The following ZNF287 variants were observed in gnomAD, a reference collection of about 807,000 sequenced individuals.
The protein encoded by ZNF287 is zinc finger protein with KRAB and SCAN domains 13.
A neutral mutation model predicts 73.7 loss-of-function variants in ZNF287; 31 were observed. The ratio of observed to expected loss-of-function variants is 0.42; its 90% CI spans 0.32 to 0.57. ZNF287 has a LOEUF of 0.57. ZNF287 is among the 20% of genes least tolerant of loss of function. The pLI is 0.13. For missense variants in ZNF287, 641 were observed against 909.3 expected (o/e 0.70, Z 3.79); for synonymous variants, 301 against 307.2 (o/e 0.98, Z 0.21).
intron 2 of ZNF287, among the ~76,000 whole-genome samples, 195 bp from the exon 3 acceptor site, chr17:16,566,817 G>C (rs1907771088): frequency 6.6e-6 from 1 of 152,112 alleles, no homozygotes; most frequent in Non-Finnish European, 1.5e-5. Context: ...TCAAAAACAA[G>C]CTCGCTCTAA....
rs1223955820 is a variant in ZNF287, at chr17:16,567,485, G to T, written c.247C>A (p.His83Asn). 8.1e-6 allele frequency: 13 copies of T among 1,614,060 alleles called. No homozygotes were observed. The highest frequency in any genetic ancestry group is 1.0e-5 in the Non-Finnish European group (12 of 1,180,052). The change falls in exon 2 of 6, where the codon CAC becomes AAC. Residue 83 changes from histidine (H) to asparagine (N), a missense_variant. Coordinates refer to ENST00000395825, the MANE Select transcript of ZNF287 (RefSeq NM_020653.4). ...LCLKWLRPEI[H>N]SKEQILELLV... ...AGCTCCAAAATTTGTTCCTTTGAGT[G>T]AATCTCAGGTCTCAGCCACTTAAGG...
chr17:16,550,099 G>T lies in ZNF287; in HGVS notation c.*1757C>A, dbSNP rs955143621. 2.6e-5 allele frequency among the ~76,000 whole-genome samples: 4 copies of T among 152,122 alleles called. No homozygotes were observed. Among genetic ancestry groups the T allele is most frequent in the Non-Finnish European group, 5.9e-5 (4 of 68,008 alleles). On this transcript the variant is annotated 3_prime_UTR_variant, in exon 6 of 6. Transcript: ENST00000395825. ...TCTGGTAGTGGAATGCTGTAAATATGAAATACAATAGTATTTTTATCTATT... is the reference window on the plus strand; with the variant it reads ...TCTGGTAGTGGAATGCTGTAAATATTAAATACAATAGTATTTTTATCTATT...
At position 16,553,058 on chromosome 17, in the gene ZNF287, G is replaced by C. The variant is rs1216039737; in HGVS notation, c.1084C>G (p.Leu362Val). ...VSYGIVHRKI[L>V]PGEKPYKCNV... ...CACTTGTAAGGCTTCTCTCCAGGAA[G>C]TATTTTCCTATGTACAATACCATAT... is the stretch of plus-strand genomic sequence containing the variant. Residue 362 changes from leucine to valine, a missense_variant, in exon 6 of 6, where the codon CTT becomes GTT. Coordinates refer to ENST00000395825, the MANE Select transcript of ZNF287 (RefSeq NM_020653.4). 6.2e-7 allele frequency: 1 copy of C among 1,614,038 alleles called. No homozygotes were observed. Among genetic ancestry groups the C allele is most frequent in the African/African-American group, 1.3e-5 (1 of 74,920 alleles).
chr17:16,563,086 A>C (rs1401489616), intron 5 of ZNF287, 60 bp downstream of exon 5: 7 of 1,328,758 alleles, frequency 5.3e-6, no homozygotes, highest in Non-Finnish European at 7.5e-6. Context: ...TGCATTTCTC[A>C]CCACATTTAG....
chr17:16,562,977 C>G (rs950433499), intron 5 of ZNF287, among the ~76,000 whole-genome samples, 169 bp downstream of exon 5: 3 of 152,198 alleles, frequency 2.0e-5, no homozygotes, highest in Non-Finnish European at 4.4e-5. Context: ...TTAGGAAGCT[C>G]TTCCTGAAGA....
chr17:16,567,362 C>A lies in ZNF287; in HGVS notation c.370G>T (p.Val124Leu). The part of the protein sequence containing the change: ...PESSEEAVTL[V>L]EDLTQILEEE... ...TCTAGAATCTGAGTCAAATCCTCCACCAGAGTCACTGCTTCCTCGCTGCTC... is the reference window on the plus strand; with the variant it reads ...TCTAGAATCTGAGTCAAATCCTCCAACAGAGTCACTGCTTCCTCGCTGCTC... The change falls in exon 2 of 6, where the codon GTG becomes TTG. Residue 124 changes from valine (V) to leucine (L), a missense_variant. This residue lies in a region of ZNF287 where 357 missense variants were observed against 442.4 expected (regional missense o/e 0.81). Transcript: ENST00000395825. 1 of 1,614,040 alleles carries A rather than the reference C, an allele frequency of 6.2e-7. No individual in the cohort carries two copies. Among genetic ancestry groups the A allele is most frequent in the Non-Finnish European group, 8.5e-7 (1 of 1,179,918 alleles).
At chr17:16,559,570 CTA>C (rs1254647359) in intron 5 of ZNF287, among the ~76,000 whole-genome samples, 3 of 103,594 alleles carry the variant, frequency 2.9e-5, no homozygotes, top group African/African-American at 1.2e-4. Context: ...CTTAAAAGAA[CTA>C]ACACACACAC....
At position 16,547,557 on chromosome 17, in the gene ZNF287, T is replaced by C. The variant is rs1210209552; in HGVS notation, c.*4299A>G. 1.3e-5 allele frequency among the ~76,000 whole-genome samples: 2 copies of C among 152,160 alleles called. No homozygotes were observed. The highest frequency in any genetic ancestry group is 1.9e-4 in the East Asian group (1 of 5,186). ...AATTATATCCCTCATTACACAGATA[T>C]TAGGTAACTGATGGCATGAGTGAAG... On this transcript the variant is annotated 3_prime_UTR_variant, in exon 6 of 6. Coordinates refer to ENST00000395825, the MANE Select transcript of ZNF287 (RefSeq NM_020653.4).
rs761850808 is a variant in ZNF287, at chr17:16,567,364, A to G, written c.368T>C (p.Leu123Pro). ...TAGAATCTGAGTCAAATCCTCCACC[A>G]GAGTCACTGCTTCCTCGCTGCTCTC... Reference protein sequence around the residue: ...YPESSEEAVTLVEDLTQILEE... With the variant: ...YPESSEEAVTPVEDLTQILEE... The change falls in exon 2 of 6, where the codon CTG becomes CCG. Residue 123 changes from leucine (L) to proline (P), a missense_variant. Physicochemically the swap from Leu to Pro is moderately conservative, Grantham distance 98 (BLOSUM62 -3). Transcript: ENST00000395825. The G allele has an allele frequency of 1.9e-6, 3 of 1,614,034 alleles. No individual in the cohort carries two copies. The highest frequency in any genetic ancestry group is 2.5e-6 in the Non-Finnish European group (3 of 1,179,936).
At position 16,553,264 on chromosome 17, in the gene ZNF287, C is replaced by G; in HGVS notation, c.878G>C (p.Gly293Ala). 6.2e-7 allele frequency: 1 copy of G among 1,613,686 alleles called. No homozygotes were observed. The highest frequency in any genetic ancestry group is 1.3e-5 in the African/African-American group (1 of 75,016). ...GFWKIHTDERGFSLKSVLSQE... is the reference protein window; with the variant it reads ...GFWKIHTDERAFSLKSVLSQE... ...TGAAAGGACTGACTTCAAACTGAAACCTCTTTCATCAGTGTGAATTTTCCA... is the reference window on the plus strand; with the variant it reads ...TGAAAGGACTGACTTCAAACTGAAAGCTCTTTCATCAGTGTGAATTTTCCA... The change falls in exon 6 of 6, where the codon GGT (glycine) becomes GCT (alanine). Residue 293 changes from glycine (G) to alanine (A), a missense_variant. This residue lies in a region of ZNF287 where 357 missense variants were observed against 442.4 expected (regional missense o/e 0.81). Transcript: ENST00000395825.
At chr17:16,560,869 G>A (rs2142488580) in intron 5 of ZNF287, among the ~76,000 whole-genome samples, 1 of 151,418 alleles carries the variant, frequency 6.6e-6, no homozygotes, top group East Asian at 2.0e-4. Context: ...TGGGTGTAGT[G>A]GCGGGTGCCT....
In ZNF287 at chr17:16,548,003, G is replaced by T. The variant is rs1906377854; in HGVS notation, c.*3853C>A. 6.6e-6 allele frequency among the ~76,000 whole-genome samples: 1 copy of T among 152,178 alleles called. No homozygotes were observed. The highest frequency in any genetic ancestry group is 2.1e-4 in the South Asian group (1 of 4,834). The stretch of plus-strand genomic sequence containing the variant: ...TGGTAATTAAGGTAAAATAATTGCT[G>T]ACTGTGCCTCTAGTGCATTCCTAGT... On this transcript the variant is annotated 3_prime_UTR_variant, in exon 6 of 6. Coordinates refer to ENST00000395825, the MANE Select transcript of ZNF287 (RefSeq NM_020653.4).
chr17:16,557,005 G>A (rs1228757723), intron 5 of ZNF287, among the ~76,000 whole-genome samples: 4 of 151,744 alleles, frequency 2.6e-5, no homozygotes, highest in Admixed American at 6.6e-5. Context: ...GTGCCACCAC[G>A]CCTGGCTAAT....
Position 16,567,746 on chromosome 17 carries a change from G to C in ZNF287, c.-15C>G. The C allele has an allele frequency of 6.3e-7, 1 of 1,591,210 alleles. No homozygotes were observed. Among genetic ancestry groups the C allele is most frequent in the Non-Finnish European group, 8.6e-7 (1 of 1,168,708 alleles). ...GAGGCTAACATTGCTACAGACAGGA[G>C]AGTCAATCTGGCAATATCCTTTATT... On this transcript the variant is annotated 5_prime_UTR_variant, in exon 2 of 6. Transcript: ENST00000395825.
rs747212383 is a variant in ZNF287 at position 16,567,534 on chromosome 17, T to C, written c.198A>G (p.Ala66=). The change falls in exon 2 of 6, where the codon GCA becomes GCG. Residue 66 remains alanine (A), a synonymous_variant. Transcript: ENST00000395825. Reference sequence around the variant, plus strand: ...GGCAGAGCTCTCGGAGTTGACTCAATGCCTTTCGAGGACCAGCCAGGTCTG... The same window carrying C: ...GGCAGAGCTCTCGGAGTTGACTCAACGCCTTTCGAGGACCAGCCAGGTCTG... ...PYPDLAGPRK[A]LSQLRELCLK... 1.8e-5 allele frequency: 29 copies of C among 1,614,104 alleles called. No homozygotes were observed. Among genetic ancestry groups the C allele is most frequent in the Non-Finnish European group, 2.3e-5 (27 of 1,180,060 alleles).
rs1172002957 is a variant in ZNF287 at position 16,549,072 on chromosome 17, A to C, written c.*2784T>G. ...TTACTTTCCAATGTTTGGTTAAAAA[A>C]AATACGGCAGAATGTTAGTTTTTAA... On this transcript the variant is annotated 3_prime_UTR_variant, in exon 6 of 6. Transcript: ENST00000395825. Among the ~76,000 whole-genome samples, 2 of 152,230 alleles carry C rather than the reference A, an allele frequency of 1.3e-5. No individual in the cohort carries two copies. Among genetic ancestry groups the C allele is most frequent in the Non-Finnish European group, 2.9e-5 (2 of 68,034 alleles).
chr17:16,558,160 A>AT (rs1026964465), intron 5 of ZNF287: 3 of 152,168 alleles, frequency 2.0e-5, no homozygotes, highest in Non-Finnish European at 2.9e-5. Flanking sequence ...CTGTAGGTGT[A>AT]TTTTGTATTT....
In ZNF287 at chr17:16,549,029, A is replaced by C. The variant is rs1029646745; in HGVS notation, c.*2827T>G. Among the ~76,000 whole-genome samples, 3 of 152,312 alleles carry C rather than the reference A, an allele frequency of 2.0e-5. No homozygotes were observed. The highest frequency in any genetic ancestry group is 1.9e-4 in the East Asian group (1 of 5,192). On this transcript the variant is annotated 3_prime_UTR_variant, in exon 6 of 6. Coordinates refer to ENST00000395825, the MANE Select transcript of ZNF287 (RefSeq NM_020653.4). ...ATGCATGCTGAAGTATTTAGAGATG[A>C]AATGTCATGTCTGTAAGTTACTTTC...
chr17:16,557,152 C>T (rs539386326), intron 5 of ZNF287, among the ~76,000 whole-genome samples: 5 of 152,192 alleles, frequency 3.3e-5, no homozygotes, highest in East Asian at 1.9e-4. Flanking sequence ...GACCGATAAA[C>T]GCACATTTTA....
Sources: allele counts gnomAD v4.1 joint callset (sites outside exome capture counted in the v4.1 genomes callset), GRCh38; gene constraint gnomAD v4.1.1; regional missense constraint gnomAD v4.1.1; transcripts MANE v1.5; gene names NCBI Gene and HGNC (gene_info 2026-07-23, HGNC 2026-07-21).